DYM: variants seen among roughly 807,000 people sequenced by gnomAD.
The protein encoded by DYM is dyggve-Melchior-Clausen syndrome protein.
In DYM, 78 loss-of-function variants were observed where a neutral mutation model predicts 93.1. That is an observed-to-expected ratio of 0.84 (90% CI 0.70 to 1.01). DYM has a LOEUF of 1.01. Among genes scored for constraint, DYM ranks in the 50% least tolerant of loss-of-function variants. The pLI is 0.00. For missense variants in DYM, 789 were observed against 845.0 expected (o/e 0.93, Z 0.82); for synonymous variants, 321 against 319.7 (o/e 1.00, Z -0.04).
At chr18:49,164,388 G>C (rs1483513865) in intron 14 of DYM, among the ~76,000 whole-genome samples, 1 of 152,074 alleles carries the variant, frequency 6.6e-6, no homozygotes, top group African/African-American at 2.4e-5. Context: ...AACATGTGAA[G>C]TAAAGGATTA....
At chr18:49,047,955 G>A (rs766290951) in intron 17 of DYM, among the ~76,000 whole-genome samples, 5 of 152,198 alleles carry the variant, frequency 3.3e-5, no homozygotes, top group Non-Finnish European at 7.3e-5. Flanking sequence ...ACCCCATGAA[G>A]AGAAGGTAAC....
At chr18:49,444,439 C>T (rs955796926) in intron 1 of DYM, among the ~76,000 whole-genome samples, 7 of 152,114 alleles carry the variant, frequency 4.6e-5, no homozygotes, top group Non-Finnish European at 8.8e-5. Flanking sequence ...GTTAGAAGGA[C>T]AACAGGGTCT....
chr18:49,191,127 G>A (rs1320181120), intron 14 of DYM, among the ~76,000 whole-genome samples: 1 of 151,976 alleles, frequency 6.6e-6, no homozygotes, highest in African/African-American at 2.4e-5. Flanking sequence ...TCGTTCAAGG[G>A]TCGACTATAT....
chr18:49,141,448 C>T (rs763696419), intron 15 of DYM, among the ~76,000 whole-genome samples: 4 of 152,140 alleles, frequency 2.6e-5, no homozygotes, highest in Non-Finnish European at 5.9e-5. Context: ...CCTATTCCTT[C>T]ATACTCATTT....
At chr18:49,134,062 A>G (rs529025893) in intron 15 of DYM, among the ~76,000 whole-genome samples, 1 of 152,344 alleles carries the variant, frequency 6.6e-6, no homozygotes, top group Non-Finnish European at 1.5e-5. Flanking sequence ...GGATTGATTG[A>G]TTGATAGAAG....
At chr18:49,107,818 T>TG (rs2081001944) in intron 16 of DYM, among the ~76,000 whole-genome samples, 2 of 152,162 alleles carry the variant, frequency 1.3e-5, no homozygotes, top group African/African-American at 4.8e-5. Flanking sequence ...CTGCCCCTAC[T>TG]GGGGGGTGCC....
intron 15 of DYM, among the ~76,000 whole-genome samples, chr18:49,144,531 C>G (rs1265986669): frequency 6.6e-6 from 1 of 152,096 alleles, no homozygotes; most frequent in Non-Finnish European, 1.5e-5. Flanking sequence ...ATTTTGACAT[C>G]TAGTGTTACT....
At chr18:49,216,149 C>G (rs187481754) in intron 13 of DYM, among the ~76,000 whole-genome samples, 2 of 152,344 alleles carry the variant, frequency 1.3e-5, no homozygotes, top group East Asian at 1.9e-4. Flanking sequence ...TCACTGACTG[C>G]TAGCACAGCA....
chr18:49,132,940 C>T (rs1262998811), intron 15 of DYM, among the ~76,000 whole-genome samples: 1 of 152,024 alleles, frequency 6.6e-6, no homozygotes, highest in Non-Finnish European at 1.5e-5. Context: ...ACAAACAACT[C>T]GCAAGAATAA....
chr18:49,094,886 G>A (rs570482683), intron 17 of DYM, among the ~76,000 whole-genome samples: 44 of 152,158 alleles, frequency 2.9e-4, no homozygotes, highest in South Asian at 1.0e-3. Flanking sequence ...TGAGTAAGGG[G>A]CGCTGTGATC....
At position 49,322,220 on chromosome 18, in the gene DYM, T is replaced by A. The variant is rs561595440; in HGVS notation, c.763+9644A>T. On this transcript the variant is annotated intron_variant, in intron 8 of 17. Coordinates refer to ENST00000675505, the MANE Select transcript of DYM (RefSeq NM_001353214.3). ...CATTGCAAGCAAAGGAAAAAAAAAA[T>A]TTTTTTGGATGGCTCATTCAAATGG... Among the ~76,000 whole-genome samples, 53 of 151,902 alleles carry A rather than the reference T, an allele frequency of 3.5e-4. No individual in the cohort carries two copies. The East Asian group carries it at 5.4e-3, about 16-fold the overall frequency.
chr18:49,108,283 G>A (rs1352669046), intron 16 of DYM, among the ~76,000 whole-genome samples: 4 of 152,202 alleles, frequency 2.6e-5, no homozygotes, highest in African/African-American at 9.6e-5. Flanking sequence ...GGAGTGACCC[G>A]ATTTTCCAGG....
chr18:49,102,325 C>T (rs549921859), intron 16 of DYM, among the ~76,000 whole-genome samples: 1 of 152,130 alleles, frequency 6.6e-6, no homozygotes, highest in African/African-American at 2.4e-5. Context: ...TTTATGTTCA[C>T]CTTAAATTTG....
At chr18:49,272,084 A>G in intron 11 of DYM, 94 bp downstream of exon 11, 1 of 1,142,068 alleles carries the variant, frequency 8.8e-7, no homozygotes, top group Non-Finnish European at 1.3e-6. Context: ...TCACAGGAAC[A>G]TCTACCAGAA....
chr18:49,258,578 G>A (rs1037557433), intron 11 of DYM, 85 bp from the exon 12 acceptor site: 7 of 873,400 alleles, frequency 8.0e-6, no homozygotes, highest in Admixed American at 5.9e-5. Context: ...TTTGATAAAC[G>A]ATGACTTTGC....
intron 2 of DYM, among the ~76,000 whole-genome samples, chr18:49,404,662 A>C (rs1206240750): frequency 6.6e-6 from 1 of 152,144 alleles, no homozygotes; most frequent in African/African-American, 2.4e-5. Context: ...GCGTTTCTCT[A>C]ATGATTAATG....
chr18:49,303,522 G>A (rs2061078655), intron 8 of DYM, among the ~76,000 whole-genome samples: 1 of 152,190 alleles, frequency 6.6e-6, no homozygotes, highest in Non-Finnish European at 1.5e-5. Flanking sequence ...CAAGTGGAGA[G>A]GAGGAAGGCA....
At chr18:49,386,188 A>G (rs2068602963) in intron 3 of DYM, among the ~76,000 whole-genome samples, 2 of 152,196 alleles carry the variant, frequency 1.3e-5, no homozygotes, top group Admixed American at 1.3e-4. Flanking sequence ...CAGGGGAACA[A>G]TAATACAATT....
chr18:49,413,967 G>A (rs1048401597), intron 2 of DYM, among the ~76,000 whole-genome samples: 10 of 151,940 alleles, frequency 6.6e-5, no homozygotes, highest in African/African-American at 2.2e-4. Flanking sequence ...CCAAAATCAC[G>A]CCACTGCACT....
Sources: allele counts gnomAD v4.1 joint callset (sites outside exome capture counted in the v4.1 genomes callset), GRCh38; gene constraint gnomAD v4.1.1; transcripts MANE v1.5; gene names NCBI Gene and HGNC (gene_info 2026-07-23, HGNC 2026-07-21).